NEXN: variants seen among roughly 807,000 people sequenced by gnomAD.
The protein encoded by NEXN is nexilin F-actin binding protein, also known as nexilin.
Under a neutral mutation model 92.6 loss-of-function variants are expected in NEXN, and 65 were observed. The ratio of observed to expected loss-of-function variants is 0.70; its 90% CI spans 0.57 to 0.86. NEXN has a LOEUF of 0.86. Ranked by LOEUF, NEXN falls within the 40% of genes least tolerant of loss-of-function variation. The pLI, the probability that NEXN is intolerant of heterozygous loss-of-function variation, is 0.00. For missense variants in NEXN, 778 were observed against 771.1 expected (o/e 1.01, Z -0.11); for synonymous variants, 254 against 242.5 (o/e 1.05, Z -0.44).
chr1:77,934,279 G>T (rs936345769), intron 10 of NEXN, among the ~76,000 whole-genome samples: 1 of 151,994 alleles, frequency 6.6e-6, no homozygotes, highest in Non-Finnish European at 1.5e-5. Context: ...CAAAGTGCTG[G>T]TTATTACAGG....
intron 1 of NEXN, among the ~76,000 whole-genome samples, chr1:77,908,536 G>A (rs998851668): frequency 6.6e-6 from 1 of 151,796 alleles, no homozygotes; most frequent in Non-Finnish European, 1.5e-5. Flanking sequence ...GAGTAGCTGG[G>A]ATTACAGGCA....
chr1:77,901,794 G>T (rs532906484), intron 1 of NEXN, among the ~76,000 whole-genome samples: 2 of 152,094 alleles, frequency 1.3e-5, no homozygotes, highest in Admixed American at 6.6e-5. Context: ...TTTAGAGATG[G>T]TGTCTCACTA....
chr1:77,903,240 G>A (rs980642617), intron 1 of NEXN, among the ~76,000 whole-genome samples: 1 of 151,656 alleles, frequency 6.6e-6, no homozygotes, highest in African/African-American at 2.4e-5. Context: ...AAAAAAAAGA[G>A]AGAAATCAGA....
chr1:77,897,125 T>C (rs1156308490), intron 1 of NEXN, among the ~76,000 whole-genome samples: 1 of 152,080 alleles, frequency 6.6e-6, no homozygotes, highest in Non-Finnish European at 1.5e-5. Context: ...TTCCAATCAA[T>C]AGGAAAAGAG....
intron 1 of NEXN, among the ~76,000 whole-genome samples, chr1:77,900,572 A>C (rs1431907285): frequency 6.6e-6 from 1 of 152,180 alleles, no homozygotes; most frequent in African/African-American, 2.4e-5. Flanking sequence ...TCAAATTTGA[A>C]AAAATGCAGC....
intron 1 of NEXN, among the ~76,000 whole-genome samples, chr1:77,902,042 TC>T (rs889425309): frequency 1.6e-4 from 25 of 152,214 alleles, no homozygotes; most frequent in Admixed American, 4.6e-4. Context: ...AGATATTTTA[TC>T]CTATTCGTTA....
chr1:77,906,923 C>T (rs935414416), intron 1 of NEXN, among the ~76,000 whole-genome samples: 1 of 152,020 alleles, frequency 6.6e-6, no homozygotes, highest in Non-Finnish European at 1.5e-5. Flanking sequence ...GCCTGGATAA[C>T]AAGTGTGAGC....
chr1:77,914,838 C>G (rs950547495), intron 1 of NEXN, among the ~76,000 whole-genome samples: 2 of 142,418 alleles, frequency 1.4e-5, no homozygotes, highest in African/African-American at 2.6e-5. Flanking sequence ...GCCTGGGCAA[C>G]AAGAGCGAAA....
rs1399365671 is a variant in NEXN at position 77,916,111 on chromosome 1, A to G, written c.5A>G (p.Asn2Ser). Reference protein sequence around the residue: MNDISQKAEILL... With the variant: MSDISQKAEILL... ...CCAAGACCACATAGAGCAAACATGA[A>G]TGATATTTCCCAAAAGGCTGAGGTA... is the stretch of plus-strand genomic sequence containing the variant. Residue 2 changes from asparagine to serine, a missense_variant, in exon 2 of 13, where the codon AAT (asparagine) becomes AGT (serine). Physicochemically the swap from Asn to Ser is conservative, Grantham distance 46. This residue lies in a region of NEXN where 236 missense variants were observed against 265.6 expected (regional missense o/e 0.89). Transcript: ENST00000334785. The G allele has an allele frequency of 1.2e-6, 2 of 1,607,560 alleles. No homozygotes were observed. The highest frequency in any genetic ancestry group is 2.2e-5 in the South Asian group (2 of 90,566).
chr1:77,927,518 T>C (rs546037637), intron 8 of NEXN, among the ~76,000 whole-genome samples: 1 of 152,208 alleles, frequency 6.6e-6, no homozygotes, highest in Non-Finnish European at 1.5e-5. Context: ...CATATCAAAA[T>C]AACAGTTTAC....
intron 2 of NEXN, 47 bp from the exon 3 acceptor site, chr1:77,917,519 C>A: frequency 7.4e-7 from 1 of 1,353,092 alleles, no homozygotes; most frequent in Non-Finnish European, 1.1e-6. Context: ...CTAATTTCTT[C>A]CTATCTTTTT....
intron 1 of NEXN, among the ~76,000 whole-genome samples, chr1:77,908,754 A>G (rs1388229852): frequency 1.3e-5 from 2 of 152,174 alleles, no homozygotes; most frequent in Non-Finnish European, 2.9e-5. Flanking sequence ...TTTCCTAAAT[A>G]GAGTAAATTC....
At chr1:77,927,699 CTG>C (rs1222639934) in intron 8 of NEXN, among the ~76,000 whole-genome samples, 3 of 151,828 alleles carry the variant, frequency 2.0e-5, no homozygotes, top group Non-Finnish European at 2.9e-5. Flanking sequence ...CATTTACTAA[CTG>C]TGTAACCATG....
At chr1:77,896,168 C>CTTAATAAATAAA (rs1378922617) in intron 1 of NEXN, among the ~76,000 whole-genome samples, 62 of 26,092 alleles carry the variant, frequency 2.4e-3, no homozygotes, top group Non-Finnish European at 4.5e-3. Flanking sequence ...GAGACTTTGT[C>CTTAATAAATAAA]TCAATAAATA....
chr1:77,932,132 T>C (rs540604158), intron 9 of NEXN: 1 of 152,326 alleles, frequency 6.6e-6, no homozygotes, highest in South Asian at 2.1e-4. Context: ...TTCACCATGT[T>C]AGTCAGGCTG....
At chr1:77,922,953 T>C (rs901569807) in intron 5 of NEXN, among the ~76,000 whole-genome samples, 3 of 151,802 alleles carry the variant, frequency 2.0e-5, no homozygotes, top group Non-Finnish European at 4.4e-5. Context: ...AATAGATTTA[T>C]TTTTAACAAA....
At chr1:77,940,003 G>A (rs1246269935) in intron 11 of NEXN, among the ~76,000 whole-genome samples, 1 of 152,100 alleles carries the variant, frequency 6.6e-6, no homozygotes, top group Non-Finnish European at 1.5e-5. Context: ...GAACCCGGGA[G>A]ACAGGGGTTG....
chr1:77,889,193 T>A (rs905210419), intron 1 of NEXN: 1 of 152,302 alleles, frequency 6.6e-6, no homozygotes, highest in Non-Finnish European at 1.5e-5. Flanking sequence ...TTCAGTGCCG[T>A]CCCCCACCAC....
chr1:77,925,235 C>A lies in NEXN; in HGVS notation c.489+6C>A. The A allele has an allele frequency of 6.3e-7, 1 of 1,586,474 alleles. No individual in the cohort carries two copies. Among genetic ancestry groups the A allele is most frequent in the Non-Finnish European group, 8.6e-7 (1 of 1,157,070 alleles). On this transcript the variant is annotated splice_donor_region_variant and intron_variant, in intron 6 of 12. Coordinates refer to ENST00000334785, the MANE Select transcript of NEXN (RefSeq NM_144573.4). Reference sequence around the variant, plus strand: ...GAACTGAATCAGCATCAGAGGTAAACAGACATTTCCTTTAATGAAACATTC... The same window carrying A: ...GAACTGAATCAGCATCAGAGGTAAAAAGACATTTCCTTTAATGAAACATTC...
Sources: gnomAD v4.1 joint callset for allele counts (sites outside exome capture counted in the v4.1 genomes callset) on GRCh38, gnomAD v4.1.1 for gene constraint, gnomAD v4.1.1 regional missense constraint, MANE v1.5 for transcripts, NCBI Gene and HGNC (gene_info 2026-07-23, HGNC 2026-07-21) for gene names.